DCAF7: variants seen among roughly 807,000 people sequenced by gnomAD.
The protein encoded by DCAF7 is DDB1 and CUL4 associated factor 7.
A neutral mutation model predicts 41.2 loss-of-function variants in DCAF7; 4 were observed. The ratio of observed to expected loss-of-function variants is 0.10; its 90% CI spans 0.05 to 0.22. DCAF7 has a LOEUF of 0.22. Among genes scored for constraint, DCAF7 ranks in the 10% least tolerant of loss-of-function variants. The probability of loss-of-function intolerance (pLI) is 1.00; values close to 1 mark genes in which losing one functional copy is unlikely to be tolerated. For synonymous variants in DCAF7, 143 were observed against 164.2 expected (o/e 0.87, Z 0.99); for missense variants, 131 against 443.2 (o/e 0.30, Z 6.32).
intron 1 of DCAF7, among the ~76,000 whole-genome samples, chr17:63,555,486 C>A (rs2033300597): frequency 6.6e-6 from 1 of 152,176 alleles, no homozygotes; most frequent in Non-Finnish European, 1.5e-5. Context: ...ATTATTTCGA[C>A]TCCGGTATTT....
intron 1 of DCAF7, among the ~76,000 whole-genome samples, chr17:63,569,827 C>G (rs2033485887): frequency 6.6e-6 from 1 of 152,148 alleles, no homozygotes; most frequent in South Asian, 2.1e-4. Flanking sequence ...ATTCTCCTGC[C>G]TCAGCCTTCT....
At chr17:63,566,718 C>T (rs764246255) in intron 1 of DCAF7, among the ~76,000 whole-genome samples, 81 of 152,164 alleles carry the variant, frequency 5.3e-4, no homozygotes, top group Non-Finnish European at 9.4e-4. Context: ...CCCAGGAGTT[C>T]GAGGGAGACC....
chr17:63,561,554 A>G (rs1287997887), intron 1 of DCAF7, among the ~76,000 whole-genome samples: 1 of 152,064 alleles, frequency 6.6e-6, no homozygotes, highest in African/African-American at 2.4e-5. Context: ...CTCCATCTCT[A>G]TCAAAATATA....
intron 1 of DCAF7, among the ~76,000 whole-genome samples, chr17:63,574,319 TAAG>T (rs1184946617): frequency 2.0e-5 from 3 of 152,214 alleles, no homozygotes; most frequent in Non-Finnish European, 4.4e-5. Context: ...GTGTCATAAA[TAAG>T]AAGCCAATCA....
intron 1 of DCAF7, among the ~76,000 whole-genome samples, chr17:63,572,440 A>G (rs1400718974): frequency 2.0e-5 from 3 of 152,202 alleles, no homozygotes; most frequent in Non-Finnish European, 4.4e-5. Context: ...GTGACTAGAT[A>G]AATGAAGGTG....
chr17:63,568,525 C>T (rs970540515), intron 1 of DCAF7, among the ~76,000 whole-genome samples: 11 of 152,094 alleles, frequency 7.2e-5, no homozygotes, highest in African/African-American at 1.9e-4. Context: ...TAAACTCAGG[C>T]GCTTTAAATT....
chr17:63,569,856 G>A (rs1358539573), intron 1 of DCAF7, among the ~76,000 whole-genome samples: 3 of 152,104 alleles, frequency 2.0e-5, no homozygotes, highest in African/African-American at 7.2e-5. Flanking sequence ...GGGATTACAG[G>A]TGTGCACCAC....
At chr17:63,583,801 T>C in intron 5 of DCAF7, 90 bp downstream of exon 5, 1 of 1,333,366 alleles carries the variant, frequency 7.5e-7, no homozygotes, top group African/African-American at 1.5e-5. Flanking sequence ...TGGAGCAGTT[T>C]GGCTCCCGGA....
chr17:63,586,590 C>A (rs944710586), intron 6 of DCAF7, among the ~76,000 whole-genome samples: 1 of 151,916 alleles, frequency 6.6e-6, no homozygotes, highest in Admixed American at 6.6e-5. Context: ...ATGGTGAAAC[C>A]CTGTCTCTAC....
intron 6 of DCAF7, among the ~76,000 whole-genome samples, chr17:63,587,403 G>A (rs1028412700): frequency 6.6e-6 from 1 of 152,018 alleles, no homozygotes; most frequent in African/African-American, 2.4e-5. Flanking sequence ...CATTATTCAT[G>A]GAAAGCAGGA....
intron 1 of DCAF7, among the ~76,000 whole-genome samples, chr17:63,576,618 A>G (rs2033564770): frequency 6.6e-6 from 1 of 152,150 alleles, no homozygotes; most frequent in Non-Finnish European, 1.5e-5. Flanking sequence ...TTTCTCAACT[A>G]GGACATAAAA....
In DCAF7 at chr17:63,586,142, A is replaced by AAC. The variant is rs796710007; in HGVS notation, c.856+815_856+816insCA. Among the ~76,000 whole-genome samples the AAC allele has an allele frequency of 4.1e-3, 614 of 149,314 alleles. 6 individuals are homozygous for AAC. Among genetic ancestry groups the AAC allele is most frequent in the African/African-American group, 0.014 (545 of 39,282 alleles). On this transcript the variant is annotated intron_variant, in intron 6 of 6. Coordinates refer to ENST00000614556, the MANE Select transcript of DCAF7 (RefSeq NM_005828.5). ...TCTGTCTCCAAAAAAAAAAAAAAAA[A>AAC]AAAAAAAGTACCCCTTAAAAATATG...
intron 1 of DCAF7, among the ~76,000 whole-genome samples, chr17:63,561,405 G>A (rs1241612814): frequency 6.6e-6 from 1 of 152,104 alleles, no homozygotes; most frequent in African/African-American, 2.4e-5. Context: ...AAATTGTTAA[G>A]TGAAGTAGAC....
chr17:63,566,161 G>C (rs113533668), intron 1 of DCAF7, among the ~76,000 whole-genome samples: 1,810 of 151,962 alleles, frequency 0.012, 36 homozygotes, highest in African/African-American at 0.042. Context: ...ATGAGGTCAG[G>C]AGATCGAGAC....
In DCAF7 at chr17:63,550,529, G is replaced by A; in HGVS notation, c.-149G>A. The A allele has an allele frequency of 7.7e-7, 1 of 1,294,802 alleles. No homozygotes were observed. The highest frequency in any genetic ancestry group is 1.0e-6 in the Non-Finnish European group (1 of 972,864). 80.2% of individuals were successfully genotyped at this position (1,294,802 alleles called of 1,614,324 possible). ...CTAGGGGTCGGGCTCGGCCGTCGTCGTTGTTTGTCGCCGCATCCCCGCTTC... is the reference window on the plus strand; with the variant it reads ...CTAGGGGTCGGGCTCGGCCGTCGTCATTGTTTGTCGCCGCATCCCCGCTTC... On this transcript the variant is annotated 5_prime_UTR_variant, in exon 1 of 7. Coordinates refer to ENST00000614556, the MANE Select transcript of DCAF7 (RefSeq NM_005828.5). This position sits in a 1 kb window ranked among gnomAD's most constrained non-coding sequence, Gnocchi z 4.8.
intron 1 of DCAF7, among the ~76,000 whole-genome samples, chr17:63,562,834 T>C (rs1027722450): frequency 1.3e-5 from 2 of 151,684 alleles, no homozygotes; most frequent in African/African-American, 4.8e-5. Flanking sequence ...TTTTTTTTTT[T>C]TTCTTTTGAG....
intron 1 of DCAF7, among the ~76,000 whole-genome samples, chr17:63,573,526 A>T (rs1421802393): frequency 1.3e-5 from 2 of 152,038 alleles, no homozygotes; most frequent in African/African-American, 4.8e-5. Flanking sequence ...GGAGCTTGAG[A>T]GCAGCCTGAC....
chr17:63,551,335 C>T (rs1412046549), intron 1 of DCAF7, among the ~76,000 whole-genome samples: 1 of 134,960 alleles, frequency 7.4e-6, no homozygotes, highest in East Asian at 2.6e-4. Flanking sequence ...TGGATCCTAG[C>T]CCTTCTGCCA....
intron 1 of DCAF7, among the ~76,000 whole-genome samples, chr17:63,559,291 A>T (rs960534525): frequency 2.1e-5 from 3 of 143,964 alleles, no homozygotes; most frequent in Non-Finnish European, 4.5e-5. Context: ...AGCCCGGGTG[A>T]CAGTGTGAGA....
Sources: gnomAD v4.1 joint callset for allele counts (sites outside exome capture counted in the v4.1 genomes callset) on GRCh38, gnomAD v4.1.1 for gene constraint, Gnocchi (gnomAD v3.1) non-coding constraint, MANE v1.5 for transcripts, NCBI Gene and HGNC (gene_info 2026-07-23, HGNC 2026-07-21) for gene names.